Variants in PNPLA1 observed in about 807,000 individuals in gnomAD.
The protein encoded by PNPLA1 is patatin like domain 1, omega-hydroxyceramide transacylase, also known as omega-hydroxyceramide transacylase.
In PNPLA1, 36 loss-of-function variants were observed where a neutral mutation model predicts 51.7. That is an observed-to-expected ratio of 0.70 (90% CI 0.53 to 0.92). The LOEUF is 0.92. Among genes scored for constraint, PNPLA1 ranks in the 40% least tolerant of loss-of-function variants. PNPLA1 has a pLI of 0.00. For synonymous variants in PNPLA1, 293 were observed against 280.1 expected (o/e 1.05, Z -0.46); for missense variants, 658 against 682.5 (o/e 0.96, Z 0.40).
chr6:36,296,795 C>A (rs1289194383), intron 5 of PNPLA1, among the ~76,000 whole-genome samples: 2 of 152,058 alleles, frequency 1.3e-5, no homozygotes, highest in Non-Finnish European at 2.9e-5. Flanking sequence ...AGCTGTGTGA[C>A]CTCCGGATAA....
intron 3 of PNPLA1, 98 bp downstream of exon 3, chr6:36,293,224 C>A: frequency 8.2e-7 from 1 of 1,218,998 alleles, no homozygotes; most frequent in Non-Finnish European, 1.2e-6. Flanking sequence ...TCTCAGAATG[C>A]AGCGGGAGGA....
intron 2 of PNPLA1, among the ~76,000 whole-genome samples, chr6:36,292,588 C>T (rs1360655679): frequency 6.6e-6 from 1 of 152,306 alleles, no homozygotes; most frequent in Middle Eastern, 3.4e-3. Flanking sequence ...TCCCACCCTG[C>T]CTGCACCCCT....
chr6:36,307,664 A>G lies in PNPLA1; in HGVS notation c.1547A>G (p.Lys516Arg), dbSNP rs1771283669. ...AAGCAAAAGACAAGTGGCACCAGAA[A>G]AGGCTTCCCAAGACATTCGGGATCC... ...KNKQKTSGTR[K>R]GFPRHSGSKK... The change falls in exon 8 of 9, where the codon AAA (lysine) becomes AGA (arginine). Residue 516 changes from lysine to arginine, a missense_variant. By Grantham distance (26) the Lys-to-Arg change is conservative. Coordinates refer to ENST00000636260, the MANE Select transcript of PNPLA1 (RefSeq NM_001374623.1). 5 of 1,613,918 alleles carry G rather than the reference A, an allele frequency of 3.1e-6. No individual in the cohort carries two copies. The highest frequency in any genetic ancestry group is 3.4e-6 in the Non-Finnish European group (4 of 1,179,996).
chr6:36,276,907 C>T (rs545153391), intron 1 of PNPLA1, among the ~76,000 whole-genome samples: 1 of 152,290 alleles, frequency 6.6e-6, no homozygotes, highest in South Asian at 2.1e-4. Context: ...CTTAAAGGCA[C>T]CTACCAAACA....
At chr6:36,258,339 G>A (rs780846338) in intron 1 of PNPLA1, among the ~76,000 whole-genome samples, 6 of 152,132 alleles carry the variant, frequency 3.9e-5, no homozygotes, top group Non-Finnish European at 8.8e-5. Flanking sequence ...CAGTACAAGC[G>A]TGAGCTTTAC....
intron 5 of PNPLA1, among the ~76,000 whole-genome samples, 181 bp from the exon 6 acceptor site, chr6:36,301,680 C>T (rs1004062159): frequency 2.6e-5 from 4 of 152,210 alleles, no homozygotes; most frequent in Non-Finnish European, 4.4e-5. Flanking sequence ...TGCTTCCCCA[C>T]ACTACACCGT....
intron 1 of PNPLA1, among the ~76,000 whole-genome samples, chr6:36,256,822 A>G (rs1184730218): frequency 6.6e-6 from 1 of 152,202 alleles, no homozygotes; most frequent in Non-Finnish European, 1.5e-5. Flanking sequence ...GAGAAAAAGC[A>G]TACCAATTTA....
chr6:36,251,086 A>G (rs1769413381), intron 1 of PNPLA1, among the ~76,000 whole-genome samples: 1 of 152,204 alleles, frequency 6.6e-6, no homozygotes. Flanking sequence ...CGTTTCTAGT[A>G]AGGTAGGGAA....
At chr6:36,280,608 C>T (rs1561858553) in intron 1 of PNPLA1, among the ~76,000 whole-genome samples, 2 of 152,322 alleles carry the variant, frequency 1.3e-5, no homozygotes, top group East Asian at 3.9e-4. Context: ...TCACCCAGCC[C>T]AAGAACGTAG....
At chr6:36,289,198 T>C (rs181806383) in intron 1 of PNPLA1, among the ~76,000 whole-genome samples, 267 of 152,312 alleles carry the variant, frequency 1.8e-3, no homozygotes, top group Non-Finnish European at 3.3e-3. Flanking sequence ...AAGAACAAAT[T>C]TCCTTGCTTC....
At chr6:36,281,709 T>G (rs1416657018) in intron 1 of PNPLA1, among the ~76,000 whole-genome samples, 4 of 152,120 alleles carry the variant, frequency 2.6e-5, no homozygotes, top group Admixed American at 2.0e-4. Context: ...CAAGCAATTA[T>G]TTATACATTG....
rs907623378 is a variant in PNPLA1, at chr6:36,245,922, G to A, written c.-81+2661G>A. Among the ~76,000 whole-genome samples the A allele has an allele frequency of 2.6e-5, 4 of 152,228 alleles. No individual in the cohort carries two copies. The South Asian group carries it at 8.3e-4, about 31-fold the overall frequency. On this transcript the variant is annotated intron_variant, in intron 1 of 7. Transcript: ENST00000312917. ...GGCTGCTGAAATGCAATTAGCCAGGGAGGGACCTGCTTTTCAGCTTTATAC... is the reference window on the plus strand; with the variant it reads ...GGCTGCTGAAATGCAATTAGCCAGGAAGGGACCTGCTTTTCAGCTTTATAC...
intron 4 of PNPLA1, 36 bp from the exon 5 acceptor site, chr6:36,295,328 C>T: frequency 1.9e-6 from 3 of 1,611,948 alleles, no homozygotes; most frequent in South Asian, 1.1e-5. Flanking sequence ...TTCCTCCCCG[C>T]AGCCTTGGTA....
chr6:36,252,554 A>C (rs1015860413), intron 1 of PNPLA1, among the ~76,000 whole-genome samples: 3 of 152,016 alleles, frequency 2.0e-5, no homozygotes, highest in Admixed American at 6.6e-5. Flanking sequence ...AAAAAAAAAA[A>C]AAAAACCCAG....
chr6:36,278,132 A>G (rs1278040927), intron 1 of PNPLA1, among the ~76,000 whole-genome samples: 2 of 152,200 alleles, frequency 1.3e-5, no homozygotes, highest in African/African-American at 2.4e-5. Flanking sequence ...TAGTTTGCCC[A>G]TAAAATCTGC....
At chr6:36,246,664 C>T (rs556443147) in intron 1 of PNPLA1, among the ~76,000 whole-genome samples, 3 of 152,256 alleles carry the variant, frequency 2.0e-5, no homozygotes, top group East Asian at 1.9e-4. Flanking sequence ...AGAAACTAGA[C>T]GCTTTCCCAC....
At chr6:36,289,801 G>GCTT (rs35723513) in intron 1 of PNPLA1, among the ~76,000 whole-genome samples, 65,145 of 151,682 alleles carry the variant, frequency 0.43, 14,437 homozygotes, top group African/African-American at 0.53. Flanking sequence ...TGGTGCTGAA[G>GCTT]CTTTTCTTAC....
chr6:36,295,971 G>T (rs143297018), intron 5 of PNPLA1, among the ~76,000 whole-genome samples: 23 of 152,294 alleles, frequency 1.5e-4, no homozygotes, highest in Middle Eastern at 6.8e-3. Flanking sequence ...CAATTCCAAT[G>T]ACATGTCTTT....
upstream of PNPLA1, among the ~76,000 whole-genome samples, chr6:36,268,979 A>T (rs886432461): frequency 6.6e-6 from 1 of 150,716 alleles, no homozygotes; most frequent in Admixed American, 6.6e-5. Flanking sequence ...ATACACACGC[A>T]TGTACGCACA....
Sources: gnomAD v4.1 joint callset for allele counts (sites outside exome capture counted in the v4.1 genomes callset) on GRCh38, gnomAD v4.1.1 for gene constraint, MANE v1.5 for transcripts, NCBI Gene and HGNC (gene_info 2026-07-23, HGNC 2026-07-21) for gene names.